RASA1: variants seen among roughly 807,000 people sequenced by gnomAD.
The protein encoded by RASA1 is RAS p21 protein activator 1.
RASA1 carries 25 observed loss-of-function variants against 132.2 expected under a neutral mutation model. The observed-to-expected ratio is 0.19, with a 90% CI of 0.14 to 0.26. The LOEUF is 0.26. RASA1 is among the 10% of genes least tolerant of loss of function. The pLI is 1.00. For missense variants in RASA1, 964 were observed against 1,299.2 expected, an observed-to-expected ratio of 0.74 and a Z score of 3.97; for synonymous variants, 477 against 449.9, an observed-to-expected ratio of 1.06 and a Z score of -0.76.
At chr5:87,283,509 A>G (rs952695662) in intron 1 of RASA1, among the ~76,000 whole-genome samples, 4 of 152,056 alleles carry the variant, frequency 2.6e-5, no homozygotes, top group African/African-American at 9.7e-5. Context: ...TTTGGAGACT[A>G]TTAGAAAATA....
chr5:87,367,038 A>G (rs1760576712), intron 11 of RASA1, among the ~76,000 whole-genome samples: 1 of 152,238 alleles, frequency 6.6e-6, no homozygotes, highest in South Asian at 2.1e-4. Flanking sequence ...CTCAAACAAA[A>G]CTAAACCAAA....
At chr5:87,357,035 A>C (rs1360851050) in intron 9 of RASA1, among the ~76,000 whole-genome samples, 2 of 152,126 alleles carry the variant, frequency 1.3e-5, no homozygotes, top group Non-Finnish European at 2.9e-5. Context: ...AGAAATACCT[A>C]CTTTACCCTT....
intron 5 of RASA1, among the ~76,000 whole-genome samples, chr5:87,339,415 T>C (rs908167215): frequency 6.6e-6 from 1 of 152,200 alleles, no homozygotes; most frequent in Non-Finnish European, 1.5e-5. Flanking sequence ...GTATTCGTAC[T>C]GAAGCATCTT....
intron 4 of RASA1, among the ~76,000 whole-genome samples, chr5:87,334,199 T>C (rs1320162429): frequency 6.6e-6 from 1 of 152,186 alleles, no homozygotes; most frequent in African/African-American, 2.4e-5. Context: ...GCCAGTGGTA[T>C]AATTCAGTCT....
At chr5:87,379,979 T>C in intron 19 of RASA1, 129 bp downstream of exon 19, 3 of 973,896 alleles carry the variant, frequency 3.1e-6, no homozygotes, top group Non-Finnish European at 4.6e-6. Flanking sequence ...TGGTTAATCT[T>C]TATGAGATGA....
intron 1 of RASA1, among the ~76,000 whole-genome samples, chr5:87,282,452 C>T (rs986064175): frequency 6.6e-6 from 1 of 152,148 alleles, no homozygotes; most frequent in Non-Finnish European, 1.5e-5. Context: ...TGGTGTTCCC[C>T]TATAAGGTAA....
Position 87,320,079 on chromosome 5 carries a change from C to G in RASA1, c.540-11269C>G, listed in dbSNP as rs1023920957. ...AGGGGCACAATGCTGCCAGTCTCTG[C>G]TAAATCATAGCAAGAGTGACCGTTA... On this transcript the variant is annotated intron_variant, in intron 1 of 24. Transcript: ENST00000274376. 2.0e-5 allele frequency among the ~76,000 whole-genome samples: 3 copies of G among 152,302 alleles called. No homozygotes were observed. The East Asian group carries it at 5.8e-4, about 29-fold the overall frequency.
intron 14 of RASA1, 41 bp from the exon 15 acceptor site, chr5:87,374,799 C>T (rs1761209266): frequency 6.2e-7 from 1 of 1,600,050 alleles, no homozygotes; most frequent in African/African-American, 1.3e-5. Context: ...TAGTTTGATG[C>T]CAAAACATTT....
At chr5:87,350,911 T>C (rs1759216894) in intron 8 of RASA1, among the ~76,000 whole-genome samples, 1 of 151,724 alleles carries the variant, frequency 6.6e-6, no homozygotes, top group South Asian at 2.1e-4. Flanking sequence ...GATTTTGTAA[T>C]TGTTTTGGAA....
At chr5:87,365,674 T>C (rs1211479898) in intron 11 of RASA1, among the ~76,000 whole-genome samples, 2 of 152,066 alleles carry the variant, frequency 1.3e-5, no homozygotes, top group East Asian at 3.8e-4. Context: ...TGACTAACAC[T>C]GGAAAGTCAT....
chr5:87,301,420 C>T (rs1169803814), intron 1 of RASA1, among the ~76,000 whole-genome samples: 1 of 150,328 alleles, frequency 6.7e-6, no homozygotes, highest in Non-Finnish European at 1.5e-5. Flanking sequence ...GTGGGTGTAC[C>T]TGTGTAATCC....
chr5:87,293,591 C>T (rs1241953770), intron 1 of RASA1, among the ~76,000 whole-genome samples: 1 of 152,098 alleles, frequency 6.6e-6, no homozygotes, highest in African/African-American at 2.4e-5. Flanking sequence ...TAGTATTGTC[C>T]TCACAGAATG....
At chr5:87,364,153 A>G (rs1760328146) in intron 11 of RASA1, among the ~76,000 whole-genome samples, 1 of 152,028 alleles carries the variant, frequency 6.6e-6, no homozygotes, top group Non-Finnish European at 1.5e-5. Context: ...ACCTATTGTT[A>G]TGATTAGTAA....
intron 1 of RASA1, among the ~76,000 whole-genome samples, chr5:87,304,276 T>C (rs1030437742): frequency 3.9e-5 from 6 of 152,216 alleles, no homozygotes; most frequent in African/African-American, 1.4e-4. Context: ...AAGTGGGTTT[T>C]ATTGTTTCAT....
chr5:87,307,949 GC>G (rs1755697389), intron 1 of RASA1, among the ~76,000 whole-genome samples: 1 of 152,132 alleles, frequency 6.6e-6, no homozygotes, highest in Non-Finnish European at 1.5e-5. Flanking sequence ...CAGATAGAAT[GC>G]AGTTAGATCA....
At chr5:87,304,571 A>T (rs1307511788) in intron 1 of RASA1, among the ~76,000 whole-genome samples, 1 of 149,924 alleles carries the variant, frequency 6.7e-6, no homozygotes, top group East Asian at 2.0e-4. Context: ...GGGTTCATGC[A>T]GTTCTCCTGC....
chr5:87,357,989 TTAG>T (rs1759782824), intron 9 of RASA1, among the ~76,000 whole-genome samples: 1 of 152,312 alleles, frequency 6.6e-6, no homozygotes, highest in African/African-American at 2.4e-5. Context: ...AAAGTTGGTT[TTAG>T]TAGAAGTTTG....
At chr5:87,276,048 A>G (rs1318249336) in intron 1 of RASA1, among the ~76,000 whole-genome samples, 1 of 152,164 alleles carries the variant, frequency 6.6e-6, no homozygotes, top group African/African-American at 2.4e-5. Context: ...AAATGGCATG[A>G]ATACAGCAAG....
rs201249348 is a variant in RASA1 at position 87,374,837 on chromosome 5, T to C, written c.1935-3T>C. The stretch of plus-strand genomic sequence containing the variant: ...TTAATTCTTTTTCTCCTTGCTCCTT[T>C]AGTGATCTTCCTCCTGACATCAATA... On this transcript the variant is annotated splice_region_variant and splice_polypyrimidine_tract_variant and intron_variant, in intron 14 of 24. Transcript: ENST00000274376. 5.6e-4 allele frequency: 906 copies of C among 1,609,886 alleles called. No individual in the cohort carries two copies. The highest frequency in any genetic ancestry group is 7.1e-4 in the Non-Finnish European group (839 of 1,177,818).
Sources: gnomAD v4.1 joint callset for allele counts (sites outside exome capture counted in the v4.1 genomes callset) on GRCh38, gnomAD v4.1.1 for gene constraint, MANE v1.5 for transcripts, NCBI Gene and HGNC (gene_info 2026-07-23, HGNC 2026-07-21) for gene names.